Variants in MYO7B observed in about 807,000 individuals in gnomAD.
The protein encoded by MYO7B is unconventional myosin-VIIb.
In MYO7B, 212 loss-of-function variants were observed where a neutral mutation model predicts 259.7. The observed-to-expected ratio is 0.82, with a 90% confidence interval of 0.73 to 0.91. The LOEUF (loss-of-function observed/expected upper bound fraction) is 0.91. Among genes scored for constraint, MYO7B ranks in the 40% least tolerant of loss-of-function variants. The pLI is 0.00. For missense variants in MYO7B, 2,732 were observed against 2,813.5 expected (o/e 0.97, Z 0.66); for synonymous variants, 1,197 against 1,166.4 (o/e 1.03, Z -0.54).
intron 1 of MYO7B, among the ~76,000 whole-genome samples, chr2:127,548,150 A>C (rs1381438985): frequency 6.6e-6 from 1 of 152,052 alleles, no homozygotes; most frequent in Non-Finnish European, 1.5e-5. Flanking sequence ...GATCAGAGTG[A>C]TGTCTCCTCT....
Position 127,624,309 on chromosome 2 carries a change from A to G in MYO7B, c.4036A>G (p.Ser1346Gly). The part of the protein sequence containing the change: ...VLRGVWSGEY[S>G]FEKEEELVEL... ...CCGAGGAGTCTGGTCTGGCGAGTACAGCTTCGAGAAGGTGAGGGGCCTGAG... is the reference window on the plus strand; with the variant it reads ...CCGAGGAGTCTGGTCTGGCGAGTACGGCTTCGAGAAGGTGAGGGGCCTGAG... The change falls in exon 30 of 48, where the codon AGC becomes GGC. Residue 1346 changes from serine (S) to glycine (G), a missense_variant. Ser to Gly is a moderately conservative substitution (Grantham distance 56). This residue lies in a region of MYO7B where 1,906 missense variants were observed against 2,026.4 expected (regional missense o/e 0.94). Coordinates refer to ENST00000409816, the MANE Select transcript of MYO7B (RefSeq NM_001393586.1). 6.4e-7 allele frequency: 1 copy of G among 1,574,544 alleles called. No individual in the cohort carries two copies.
rs960658914 is a variant in MYO7B at position 127,636,684 on chromosome 2, G to A, written c.6207+56G>A. 1 of 1,607,792 alleles carries A rather than the reference G, an allele frequency of 6.2e-7. No homozygotes were observed. The highest frequency in any genetic ancestry group is 1.7e-5 in the Admixed American group (1 of 58,978). On this transcript the variant is annotated intron_variant, in intron 46 of 47. Coordinates refer to ENST00000409816, the MANE Select transcript of MYO7B (RefSeq NM_001393586.1). The surrounding 1 kb of genome is among the most constrained non-coding windows in gnomAD (Gnocchi z 4.5). The stretch of plus-strand genomic sequence containing the variant: ...GCCACCAGGTCCAGGGACCTGTGCA[G>A]GTGGGGCTGCAGTCATCTCTGCGGT...
intron 26 of MYO7B, among the ~76,000 whole-genome samples, chr2:127,617,838 G>A (rs1258372897): frequency 6.9e-6 from 1 of 144,226 alleles, no homozygotes; most frequent in Admixed American, 6.9e-5. Flanking sequence ...GTTGGTTTTA[G>A]TTTTTTCTGG....
chr2:127,612,366 C>G lies in MYO7B; in HGVS notation c.3270+39C>G, dbSNP rs1406529398. On this transcript the variant is annotated intron_variant, in intron 25 of 47. Transcript: ENST00000409816. ...ACAGAATCTCTGCTCCCAGCTGCTGCTGGCCTGCTACAGGGTTCCAGTCTA... is the reference window on the plus strand; with the variant it reads ...ACAGAATCTCTGCTCCCAGCTGCTGGTGGCCTGCTACAGGGTTCCAGTCTA... 11 of 1,465,804 alleles carry G rather than the reference C, an allele frequency of 7.5e-6. No individual in the cohort carries two copies. The Admixed American group carries it at 2.2e-4, about 29-fold the overall frequency. 90.8% of individuals were successfully genotyped at this position (1,465,804 alleles called of 1,614,324 possible).
Position 127,565,368 on chromosome 2 carries a change from C to T in MYO7B, c.268C>T (p.Gln90Ter). ...GGTGCACAACCTCCTGATCCGCTAC[C>T]AGCAGCACAAGATCTATGTGAGTCT... ...GMVHNLLIRYQQHKIYTYTGS... is the reference protein window; with the variant it reads ...GMVHNLLIRY Residue 90 changes from glutamine to a stop codon, truncating the protein, a stop_gained, in exon 4 of 48, where the codon CAG (glutamine) becomes TAG (stop). Transcript: ENST00000409816. LOFTEE classifies it high-confidence loss of function. 6.2e-7 allele frequency: 1 copy of T among 1,614,040 alleles called. No homozygotes were observed. Among genetic ancestry groups the T allele is most frequent in the Non-Finnish European group, 8.5e-7 (1 of 1,179,888 alleles).
At chr2:127,634,053 A>G in intron 40 of MYO7B, 123 bp from the exon 41 acceptor site, 1 of 734,754 alleles carries the variant, frequency 1.4e-6, no homozygotes. Flanking sequence ...TGCCCTGCTC[A>G]GGGCAGACCA....
Position 127,596,565 on chromosome 2 carries a change from C to T in MYO7B, c.2339+9C>T, listed in dbSNP as rs1197845937. 1.2e-6 allele frequency: 2 copies of T among 1,604,910 alleles called. No individual in the cohort carries two copies. The highest frequency in any genetic ancestry group is 1.7e-5 in the Admixed American group (1 of 59,012). On this transcript the variant is annotated intron_variant, in intron 19 of 47. Transcript: ENST00000409816. ...CGGGGCTACAGATACAGGTGCCGGC[C>T]CCACCCCAAGGCCCACCCAGCCTAC...
chr2:127,562,159 G>A (rs564875851), intron 2 of MYO7B, among the ~76,000 whole-genome samples: 1 of 152,222 alleles, frequency 6.6e-6, no homozygotes, highest in African/African-American at 2.4e-5. Flanking sequence ...GGCCTTATCT[G>A]CAAATATGGT....
rs1290103034 is a variant in MYO7B at position 127,624,300 on chromosome 2, G to A, written c.4027G>A (p.Gly1343Ser). 6.3e-7 allele frequency: 1 copy of A among 1,580,362 alleles called. No homozygotes were observed. The highest frequency in any genetic ancestry group is 8.6e-7 in the Non-Finnish European group (1 of 1,163,818). Reference sequence around the variant, plus strand: ...CCAAGTCCTCCGAGGAGTCTGGTCTGGCGAGTACAGCTTCGAGAAGGTGAG... The same window carrying A: ...CCAAGTCCTCCGAGGAGTCTGGTCTAGCGAGTACAGCTTCGAGAAGGTGAG... ...YRQVLRGVWS[G>S]EYSFEKEEEL... Residue 1343 changes from glycine (G) to serine (S), a missense_variant, in exon 30 of 48, where the codon GGC becomes AGC. Around this residue, in one of 3 missense-constraint regions of MYO7B, gnomAD observed 1,906 missense variants for 2,026.4 expected, o/e 0.94. Coordinates refer to ENST00000409816, the MANE Select transcript of MYO7B (RefSeq NM_001393586.1).
Position 127,569,898 on chromosome 2 carries a change from C to G in MYO7B, c.580C>G (p.Pro194Ala). ...WIEQQVLEAN[P>A]ILEAFGNAKT... is the part of the protein sequence containing the mutation. ...TGAGCAGCAGGTCCTGGAAGCCAAC[C>G]CCATCCTGGAGGGTAAGCATCACTC... is the stretch of plus-strand genomic sequence containing the variant. The change falls in exon 6 of 48, where the codon CCC becomes GCC. Residue 194 changes from proline to alanine, a missense_variant. This residue lies in a region of MYO7B where 1,906 missense variants were observed against 2,026.4 expected (regional missense o/e 0.94). Transcript: ENST00000409816. 1 of 1,612,462 alleles carries G rather than the reference C, an allele frequency of 6.2e-7. No homozygotes were observed. The highest frequency in any genetic ancestry group is 8.5e-7 in the Non-Finnish European group (1 of 1,179,162).
chr2:127,590,122 T>C lies in MYO7B; in HGVS notation c.1885T>C (p.Leu629=), dbSNP rs1313614510. Residue 629 remains leucine, a synonymous_variant, in exon 16 of 48, where the codon TTA becomes CTA. Coordinates refer to ENST00000409816, the MANE Select transcript of MYO7B (RefSeq NM_001393586.1). This position sits in a 1 kb window ranked among gnomAD's most constrained non-coding sequence, Gnocchi z 4.6. ...AGACTCAAATAAACGGCCCTCCACC[T>C]TAGGAAGCCAGTTCAAACAGTCTCT... ...SADSNKRPST[L]GSQFKQSLDQ... 6.2e-7 allele frequency: 1 copy of C among 1,601,254 alleles called. No homozygotes were observed. Among genetic ancestry groups the C allele is most frequent in the South Asian group, 1.1e-5 (1 of 88,416 alleles).
chr2:127,553,251 TG>T (rs1463381162), intron 1 of MYO7B, among the ~76,000 whole-genome samples: 3 of 152,246 alleles, frequency 2.0e-5, no homozygotes, highest in African/African-American at 4.8e-5. Context: ...GGATCTTTTT[TG>T]GTTCCATATG....
intron 2 of MYO7B, among the ~76,000 whole-genome samples, chr2:127,561,673 C>A (rs567605834): frequency 6.6e-6 from 1 of 152,292 alleles, no homozygotes; most frequent in Non-Finnish European, 1.5e-5. Context: ...GAAGCGGGCC[C>A]TTTCAACAGA....
At position 127,566,224 on chromosome 2, in the gene MYO7B, C is replaced by G. The variant is rs937979869; in HGVS notation, c.286-419C>G. Among the ~76,000 whole-genome samples, 89 of 152,318 alleles carry G rather than the reference C, an allele frequency of 5.8e-4. 1 individual carries two copies. The highest frequency in any genetic ancestry group is 1.6e-4 in the Non-Finnish European group (11 of 68,016). ...TGGGGGCTCCAGATGGGCAGCTGAT[C>G]CAGGGCGGAGGTCCCAGGGGCACAC... On this transcript the variant is annotated intron_variant, in intron 4 of 47. Transcript: ENST00000409816.
At chr2:127,594,592 A>G (rs1400349837) in intron 18 of MYO7B, among the ~76,000 whole-genome samples, 2 of 152,132 alleles carry the variant, frequency 1.3e-5, no homozygotes, top group Non-Finnish European at 2.9e-5. Context: ...GGACCATCTC[A>G]GTGCACTGTG....
chr2:127,636,315 C>G lies in MYO7B; in HGVS notation c.6114C>G (p.Phe2038Leu). ...GGCCCACCTTCGGATCCGCCTTCTT[C>G]GAGGTGAAGGTAAACCTTGCCCCAC... Reference protein sequence around the residue: ...CRWPTFGSAFFEVKQTSEPSY... With the variant: ...CRWPTFGSAFLEVKQTSEPSY... The change falls in exon 45 of 48, where the codon TTC becomes TTG. Residue 2038 changes from phenylalanine to leucine, a missense_variant. Phe to Leu is a conservative substitution (Grantham distance 22). Around this residue, in one of 3 missense-constraint regions of MYO7B, gnomAD observed 821 missense variants for 769.3 expected, o/e 1.07. Coordinates refer to ENST00000409816, the MANE Select transcript of MYO7B (RefSeq NM_001393586.1). This position sits in a 1 kb window ranked among gnomAD's most constrained non-coding sequence, Gnocchi z 4.5. 1.2e-6 allele frequency: 2 copies of G among 1,613,084 alleles called. No homozygotes were observed. Among genetic ancestry groups the G allele is most frequent in the Non-Finnish European group, 1.7e-6 (2 of 1,179,598 alleles).
chr2:127,588,786 G>A (rs1384136782), intron 15 of MYO7B, among the ~76,000 whole-genome samples: 4 of 147,578 alleles, frequency 2.7e-5, no homozygotes, highest in Non-Finnish European at 4.5e-5. Flanking sequence ...ATGGGTGGTG[G>A]GTGGGTGGAT....
intron 27 of MYO7B, among the ~76,000 whole-genome samples, chr2:127,621,552 T>TG (rs1160598154): frequency 2.0e-5 from 3 of 152,214 alleles, no homozygotes; most frequent in Non-Finnish European, 4.4e-5. Flanking sequence ...TGAGCCACCA[T>TG]GCCTGGCCCT....
At chr2:127,548,478 G>A (rs7569931) in intron 1 of MYO7B, among the ~76,000 whole-genome samples, 22,804 of 149,074 alleles carry the variant, frequency 0.15, 2,992 homozygotes, top group African/African-American at 0.34. Context: ...GTGCAGTGGC[G>A]GATCTCAACT....
Sources: gnomAD v4.1 joint callset for allele counts (sites outside exome capture counted in the v4.1 genomes callset) on GRCh38, gnomAD v4.1.1 for gene constraint, gnomAD v4.1.1 regional missense constraint, Gnocchi (gnomAD v3.1) non-coding constraint, MANE v1.5 for transcripts, NCBI Gene and HGNC (gene_info 2026-07-23, HGNC 2026-07-21) for gene names.